The following COG8 variants were observed in gnomAD, a reference collection of about 807,000 sequenced individuals.
COG8 encodes the protein component of oligomeric golgi complex 8, also known as conserved oligomeric Golgi complex subunit 8.
Under a neutral mutation model 46.5 loss-of-function variants are expected in COG8, and 45 were observed. The observed-to-expected ratio is 0.97, with a 90% CI of 0.76 to 1.24. COG8 has a LOEUF of 1.24. COG8 is among the 50% of genes most tolerant of loss of function. COG8 has a pLI of 0.00. For synonymous variants in COG8, 407 were observed against 347.8 expected (o/e 1.17, Z -1.90); for missense variants, 793 against 820.8 (o/e 0.97, Z 0.41).
rs770360912 is a variant in COG8, at chr16:69,339,439, G to T, written c.114C>A (p.Ala38=). ...CCACATCGGGCCGCTCGCGCCACTG[G>T]GCCTCGGGGAAGCGGTCCCGGAACA... is the stretch of plus-strand genomic sequence containing the variant. ...ASLFRDRFPE[A]QWRERPDVGR... is the part of the protein sequence containing the mutation. Residue 38 remains alanine (A), a synonymous_variant, in exon 1 of 6, where the codon GCC becomes GCA. Transcript: ENST00000306875. 4 of 1,590,872 alleles carry T rather than the reference G, an allele frequency of 2.5e-6. No homozygotes were observed. In the Admixed American group the frequency reaches 6.9e-5, roughly 27 times the overall value.
intron 5 of COG8, chr16:69,330,555 C>G: frequency 6.8e-7 from 1 of 1,469,528 alleles, no homozygotes; most frequent in Non-Finnish European, 8.9e-7. Context: ...CTCAGCGCGC[C>G]CCACAGCCGG....
chr16:69,339,052 G>A, intron 1 of COG8, 124 bp downstream of exon 1: 3 of 1,356,690 alleles, frequency 2.2e-6, no homozygotes, highest in Middle Eastern at 3.6e-4. Context: ...GGTTTAAATG[G>A]ATTAATAAAG....
chr16:69,335,219 T>C lies in COG8; in HGVS notation c.715A>G (p.Thr239Ala), dbSNP rs1480832551. 1 of 1,614,114 alleles carries C rather than the reference T, an allele frequency of 6.2e-7. No individual in the cohort carries two copies. The highest frequency in any genetic ancestry group is 8.5e-7 in the Non-Finnish European group (1 of 1,179,990). The change falls in exon 3 of 6, where the codon ACT (threonine) becomes GCT (alanine). Residue 239 changes from threonine to alanine, a missense_variant. By Grantham distance (58) the Thr-to-Ala change is moderately conservative. Coordinates refer to ENST00000306875, the MANE Select transcript of COG8 (RefSeq NM_032382.5). ...IGYLRRMDVF[T>A]EAELRVKFLQ... The stretch of plus-strand genomic sequence containing the variant: ...AACTTCACCCTCAACTCAGCCTCAG[T>C]GAAGACGTCCATGCGCCGCAGGTAG...
intron 3 of COG8, among the ~76,000 whole-genome samples, chr16:69,333,727 C>T (rs1382362993): frequency 6.6e-6 from 1 of 152,206 alleles, no homozygotes; most frequent in Non-Finnish European, 1.5e-5. Context: ...AAGTGACTCA[C>T]ACCTGTAATC....
At chr16:69,330,251 C>T in intron 5 of COG8, 3 of 1,435,284 alleles carry the variant, frequency 2.1e-6, no homozygotes, top group East Asian at 3.0e-5. Context: ...GCCCACGCAG[C>T]GCCGCCGCCG....
chr16:69,330,128 A>G (rs866649611), intron 5 of COG8: 2 of 1,577,680 alleles, frequency 1.3e-6, no homozygotes, highest in Admixed American at 1.8e-5. Flanking sequence ...GCGCAGGGGG[A>G]AGGGCTCCAT....
At chr16:69,331,184 A>C in intron 4 of COG8, 89 bp from the exon 5 acceptor site, 90 of 1,432,214 alleles carry the variant, frequency 6.3e-5, no homozygotes, top group Non-Finnish European at 7.5e-5. Flanking sequence ...GCGGTGGCTC[A>C]CGCCTGTAAT....
chr16:69,336,493 C>T lies in COG8; in HGVS notation c.585+12G>A. 6.2e-7 allele frequency: 1 copy of T among 1,613,452 alleles called. No homozygotes were observed. Among genetic ancestry groups the T allele is most frequent in the South Asian group, 1.1e-5 (1 of 91,048 alleles). On this transcript the variant is annotated intron_variant, in intron 2 of 5. Coordinates refer to ENST00000306875, the MANE Select transcript of COG8 (RefSeq NM_032382.5). ...AACATTACTTTGAGTCCTCTCTGGG[C>T]AAGGTGGCTACCTGGATGACAGGGA...
chr16:69,333,459 C>T (rs1202953130), intron 3 of COG8, among the ~76,000 whole-genome samples: 7 of 152,176 alleles, frequency 4.6e-5, no homozygotes, highest in African/African-American at 1.7e-4. Context: ...TGAGCCACTG[C>T]GCCCGGCCCA....
intron 1 of COG8, chr16:69,338,931 T>C (rs944063802): frequency 7.2e-6 from 4 of 558,446 alleles, no homozygotes; most frequent in Admixed American, 6.6e-5. Flanking sequence ...CAGAGGTAGG[T>C]TGCAGCGAGC....
At position 69,339,521 on chromosome 16, in the gene COG8, G is replaced by T. The variant is rs1275977305; in HGVS notation, c.32C>A (p.Ala11Asp). The T allele has an allele frequency of 6.2e-6, 10 of 1,607,764 alleles. No homozygotes were observed. Among genetic ancestry groups the T allele is most frequent in the African/African-American group, 1.3e-5 (1 of 74,868 alleles). Residue 11 changes from alanine (A) to aspartate (D), a missense_variant, in exon 1 of 6, where the codon GCC (alanine) becomes GAC (aspartate). Coordinates refer to ENST00000306875, the MANE Select transcript of COG8 (RefSeq NM_032382.5). ...GCCGAGAGCCGCTGCTGTGGCCGTGGCTACCGATGGGATAGTCGCCGCGGT... is the reference window on the plus strand; with the variant it reads ...GCCGAGAGCCGCTGCTGTGGCCGTGTCTACCGATGGGATAGTCGCCGCGGT... Reference protein sequence around the residue: MATAATIPSVATATAAALGEV... With the variant: MATAATIPSVDTATAAALGEV...
chr16:69,335,930 A>G (rs920575922), intron 2 of COG8, among the ~76,000 whole-genome samples: 2 of 151,846 alleles, frequency 1.3e-5, no homozygotes, highest in Admixed American at 1.3e-4. Flanking sequence ...CTGGCTCTCC[A>G]TCTTCACCTG....
intron 5 of COG8, chr16:69,330,347 A>G (rs1256877856): frequency 4.8e-6 from 7 of 1,470,244 alleles, no homozygotes; most frequent in Non-Finnish European, 6.3e-6. Context: ...CACGCCGCGC[A>G]GCACCGGGTC....
At chr16:69,333,743 C>A (rs2012029743) in intron 3 of COG8, among the ~76,000 whole-genome samples, 1 of 152,184 alleles carries the variant, frequency 6.6e-6, no homozygotes, top group African/African-American at 2.4e-5. Context: ...TAATCCCACA[C>A]TTTGAGGGTC....
In COG8 at chr16:69,332,667, T is replaced by G. The variant is rs769283033; in HGVS notation, c.1582+47A>C. ...ACAAATGGATGAATTATTTAGTATG[T>G]GAATTACACATCAGTAAGGCAGTTT... is the stretch of plus-strand genomic sequence containing the variant. On this transcript the variant is annotated intron_variant, in intron 4 of 5. Transcript: ENST00000306875. The G allele has an allele frequency of 2.7e-6, 4 of 1,496,714 alleles. No homozygotes were observed. The South Asian group carries it at 4.5e-5, about 17-fold the overall frequency. The allele number at this position is 1,496,714 out of a possible 1,614,324, so 92.7% of individuals were successfully genotyped here.
At position 69,339,485 on chromosome 16, in the gene COG8, T is replaced by C. The variant is rs752602482; in HGVS notation, c.68A>G (p.Asp23Gly). The change falls in exon 1 of 6, where the codon GAT becomes GGT. Residue 23 changes from aspartate (D) to glycine (G), a missense_variant. Transcript: ENST00000306875. ...ATAAALGEVE[D>G]EGLLASLFRD... ...GAACAGCGACGCCAGGAGCCCTTCA[T>C]CCTCCACCTCGCCGAGAGCCGCTGC... The C allele has an allele frequency of 4.2e-5, 67 of 1,605,086 alleles. 2 individuals are homozygous for C. The South Asian group carries it at 7.4e-4, about 18-fold the overall frequency.
chr16:69,329,199 C>T lies in COG8; in HGVS notation c.*27-20G>A. On this transcript the variant is annotated intron_variant, in intron 5 of 5. Coordinates refer to ENST00000306875, the MANE Select transcript of COG8 (RefSeq NM_032382.5). Reference sequence around the variant, plus strand: ...CCAGCCCTGCAAAGGAAGTTACAGCCCTGGTGAGTGGGAACAGCTGAACTG... The same window carrying T: ...CCAGCCCTGCAAAGGAAGTTACAGCTCTGGTGAGTGGGAACAGCTGAACTG... 6.4e-7 allele frequency: 1 copy of T among 1,570,250 alleles called. No individual in the cohort carries two copies. Among genetic ancestry groups the T allele is most frequent in the South Asian group, 1.2e-5 (1 of 85,810 alleles).
At chr16:69,334,006 A>G (rs941977048) in intron 3 of COG8, among the ~76,000 whole-genome samples, 1 of 152,210 alleles carries the variant, frequency 6.6e-6, no homozygotes, top group Admixed American at 6.5e-5. Context: ...GCAAACAGCC[A>G]TGTTGTCAGC....
At position 69,326,977 on chromosome 16, in the gene COG8, A is replaced by G. The variant is rs749212792; in HGVS notation, c.*2229T>C. ...ACAAAAGCGTTAACCTCAGAAAGCTATAAGAAGCATCAAAAGATTGCCATA... is the reference window on the plus strand; with the variant it reads ...ACAAAAGCGTTAACCTCAGAAAGCTGTAAGAAGCATCAAAAGATTGCCATA... On this transcript the variant is annotated 3_prime_UTR_variant, in exon 6 of 6. Coordinates refer to ENST00000306875, the MANE Select transcript of COG8 (RefSeq NM_032382.5). 55 of 152,308 alleles carry G rather than the reference A, an allele frequency of 3.6e-4. 1 individual carries two copies. Among genetic ancestry groups the G allele is most frequent in the Non-Finnish European group, 6.6e-4 (45 of 68,040 alleles). 9.4% of individuals were successfully genotyped at this position (152,308 alleles called of 1,614,324 possible).
Sources: allele counts gnomAD v4.1 joint callset (sites outside exome capture counted in the v4.1 genomes callset), GRCh38; gene constraint gnomAD v4.1.1; transcripts MANE v1.5; gene names NCBI Gene and HGNC (gene_info 2026-07-23, HGNC 2026-07-21).